Variants in LRRC8B observed in about 807,000 individuals in gnomAD.
The protein encoded by LRRC8B is leucine rich repeat containing 8 VRAC subunit B, also known as volume-regulated anion channel subunit LRRC8B.
Under a neutral mutation model 58.8 loss-of-function variants are expected in LRRC8B, and 23 were observed. That is an observed-to-expected ratio of 0.39 (90% CI 0.28 to 0.55). LRRC8B has a LOEUF of 0.55. Ranked by LOEUF, LRRC8B falls within the 20% of genes least tolerant of loss-of-function variation. The probability of loss-of-function intolerance (pLI) is 0.62; values close to 1 mark genes in which losing one functional copy is unlikely to be tolerated. For missense variants in LRRC8B, 694 were observed against 936.0 expected, an observed-to-expected ratio of 0.74 and a Z score of 3.37; for synonymous variants, 359 against 374.1, an observed-to-expected ratio of 0.96 and a Z score of 0.47.
At chr1:89,550,034 G>A (rs1295625777) in intron 1 of LRRC8B, 1 of 152,056 alleles carries the variant, frequency 6.6e-6, no homozygotes, top group African/African-American at 2.4e-5. Context: ...TGACCCTGTG[G>A]CCAAAGCTAG....
At chr1:89,535,224 AC>A (rs1472474621) in intron 1 of LRRC8B, among the ~76,000 whole-genome samples, 1 of 151,994 alleles carries the variant, frequency 6.6e-6, no homozygotes, top group African/African-American at 2.4e-5. Flanking sequence ...GACTCCCAAA[AC>A]CCCATACCCC....
chr1:89,580,238 G>A (rs1364519885), intron 4 of LRRC8B, among the ~76,000 whole-genome samples: 2 of 152,206 alleles, frequency 1.3e-5, no homozygotes, highest in East Asian at 3.8e-4. Flanking sequence ...AAACGGTTTA[G>A]AAACAACAGC....
chr1:89,540,880 G>A (rs1343308652), intron 1 of LRRC8B, among the ~76,000 whole-genome samples: 2 of 152,154 alleles, frequency 1.3e-5, no homozygotes, highest in Non-Finnish European at 1.5e-5. Flanking sequence ...TTTATCAGAA[G>A]ATCCTATGGT....
chr1:89,532,343 G>A (rs761931607), intron 1 of LRRC8B, among the ~76,000 whole-genome samples: 3 of 152,156 alleles, frequency 2.0e-5, no homozygotes, highest in Non-Finnish European at 4.4e-5. Flanking sequence ...TGTAGTAAAC[G>A]TGCCAAAACC....
chr1:89,531,611 A>G (rs1650138180), intron 1 of LRRC8B, among the ~76,000 whole-genome samples: 1 of 152,168 alleles, frequency 6.6e-6, no homozygotes, highest in Non-Finnish European at 1.5e-5. Flanking sequence ...CAGACCTTTA[A>G]AGCTGTCAGA....
chr1:89,571,194 G>T (rs1343830831), intron 3 of LRRC8B, among the ~76,000 whole-genome samples: 3 of 152,254 alleles, frequency 2.0e-5, no homozygotes, highest in Admixed American at 6.5e-5. Flanking sequence ...GGCTGTGCAG[G>T]TTCTTTTTTT....
chr1:89,559,629 T>TACACACAC (rs71084951), intron 1 of LRRC8B, among the ~76,000 whole-genome samples: 1,799 of 137,508 alleles, frequency 0.013, 34 homozygotes, highest in African/African-American at 0.038. Flanking sequence ...TATATATATA[T>TACACACAC]ACACACACAC....
chr1:89,530,493 G>A (rs577278913), intron 1 of LRRC8B, among the ~76,000 whole-genome samples: 14 of 152,206 alleles, frequency 9.2e-5, no homozygotes, highest in South Asian at 4.1e-4. Context: ...TTTAAATACA[G>A]ATGCTGTCTT....
intron 1 of LRRC8B, among the ~76,000 whole-genome samples, chr1:89,552,755 G>C (rs1651917922): frequency 6.6e-6 from 1 of 152,188 alleles, no homozygotes; most frequent in African/African-American, 2.4e-5. Context: ...AGGCGGGTTG[G>C]TGAAAGCTTG....
chr1:89,592,998 TCTCC>T lies in LRRC8B; in HGVS notation c.2370_2373del (p.Pro791Ter). On this transcript the variant is annotated frameshift_variant, in exon 6 of 6. Transcript: ENST00000330947. LOFTEE classifies it high-confidence loss of function. ...AGGAGAACTTGCTCAATACTCTTCC[TCTCC>T]CTGTAACAGAACGTTTACAGACGTG... 2.5e-6 allele frequency: 4 copies of T among 1,614,066 alleles called. No individual in the cohort carries two copies. Among genetic ancestry groups the T allele is most frequent in the Non-Finnish European group, 3.4e-6 (4 of 1,179,972 alleles).
intron 1 of LRRC8B, among the ~76,000 whole-genome samples, chr1:89,565,905 A>C (rs1407732345): frequency 6.6e-6 from 1 of 152,174 alleles, no homozygotes; most frequent in Non-Finnish European, 1.5e-5. Flanking sequence ...AAAGAGTAGC[A>C]AAAGAGCCCT....
At chr1:89,571,702 C>T (rs574333652) in intron 3 of LRRC8B, among the ~76,000 whole-genome samples, 16 of 152,096 alleles carry the variant, frequency 1.1e-4, no homozygotes, top group African/African-American at 2.6e-4. Flanking sequence ...CCTGATTGCC[C>T]GGCAAAGACT....
intron 3 of LRRC8B, among the ~76,000 whole-genome samples, chr1:89,577,196 C>T (rs1653919144): frequency 6.6e-6 from 1 of 152,180 alleles, no homozygotes; most frequent in Non-Finnish European, 1.5e-5. Context: ...GTCCTCTTCT[C>T]AGTATATAAT....
At chr1:89,526,339 C>T (rs765638959) in intron 1 of LRRC8B, among the ~76,000 whole-genome samples, 1 of 152,184 alleles carries the variant, frequency 6.6e-6, no homozygotes, top group Non-Finnish European at 1.5e-5. Context: ...CTCAGCCTCC[C>T]GAGTAGCGGG....
At chr1:89,559,018 G>A (rs1474648285) in intron 1 of LRRC8B, 1 of 152,194 alleles carries the variant, frequency 6.6e-6, no homozygotes, top group Non-Finnish European at 1.5e-5. Context: ...CCTGAGATTC[G>A]GGGATCAAGG....
chr1:89,595,340 G>A lies in LRRC8B; in HGVS notation c.*2297G>A, dbSNP rs937732828. Reference sequence around the variant, plus strand: ...TCACAATAGAATTATCATGTATACTGATTCCAGTGTGGCATGTGATTAAGT... The same window carrying A: ...TCACAATAGAATTATCATGTATACTAATTCCAGTGTGGCATGTGATTAAGT... On this transcript the variant is annotated 3_prime_UTR_variant, in exon 6 of 6. Coordinates refer to ENST00000330947, the MANE Select transcript of LRRC8B (RefSeq NM_001369817.2). The A allele has an allele frequency of 6.6e-6, 1 of 152,062 alleles. No individual in the cohort carries two copies. Among genetic ancestry groups the A allele is most frequent in the Non-Finnish European group, 1.5e-5 (1 of 67,966 alleles). 9.4% of individuals were successfully genotyped at this position (152,062 alleles called of 1,614,324 possible).
At chr1:89,538,028 A>G (rs1053733122) in intron 1 of LRRC8B, among the ~76,000 whole-genome samples, 7 of 152,156 alleles carry the variant, frequency 4.6e-5, no homozygotes, top group Non-Finnish European at 8.8e-5. Flanking sequence ...TTTTATTTAC[A>G]CAGAGTAAAA....
At chr1:89,536,487 T>G (rs1557592667) in intron 1 of LRRC8B, among the ~76,000 whole-genome samples, 1 of 152,136 alleles carries the variant, frequency 6.6e-6, no homozygotes, top group South Asian at 2.1e-4. Flanking sequence ...GGCCCTAGAG[T>G]TTTCATTCAA....
At chr1:89,563,905 C>A (rs2100979303) in intron 1 of LRRC8B, among the ~76,000 whole-genome samples, 1 of 152,292 alleles carries the variant, frequency 6.6e-6, no homozygotes, top group Non-Finnish European at 1.5e-5. Flanking sequence ...AACTATTCTG[C>A]TTCCTTCCCT....
Sources: allele counts gnomAD v4.1 joint callset (sites outside exome capture counted in the v4.1 genomes callset), GRCh38; gene constraint gnomAD v4.1.1; transcripts MANE v1.5; gene names NCBI Gene and HGNC (gene_info 2026-07-23, HGNC 2026-07-21).